The following ANKFN1 variants were observed in gnomAD, a reference collection of about 807,000 sequenced individuals.
ANKFN1 encodes ankyrin repeat and fibronectin type-III domain-containing protein 1.
ANKFN1 carries 74 observed loss-of-function variants against 108.7 expected under a neutral mutation model. That is an observed-to-expected ratio of 0.68 (90% CI 0.56 to 0.83). ANKFN1 has a LOEUF of 0.83. Ranked by LOEUF, ANKFN1 falls within the 40% of genes least tolerant of loss-of-function variation. ANKFN1 has a pLI of 0.00. For missense variants in ANKFN1, 1,505 were observed against 1,382.3 expected, an observed-to-expected ratio of 1.09 and a Z score of -1.41; for synonymous variants, 547 against 516.2, an observed-to-expected ratio of 1.06 and a Z score of -0.81.
intron 8 of ANKFN1, among the ~76,000 whole-genome samples, chr17:56,390,015 T>G (rs931692954): frequency 1.3e-5 from 2 of 152,054 alleles, no homozygotes; most frequent in African/African-American, 4.8e-5. Context: ...GAGAAGCATT[T>G]TCTTTTTTTT....
chr17:56,385,632 C>A (rs148589870), intron 8 of ANKFN1, among the ~76,000 whole-genome samples: 1 of 152,196 alleles, frequency 6.6e-6, no homozygotes, highest in Middle Eastern at 3.4e-3. Flanking sequence ...AAGAAAAAAA[C>A]GAACAACCCC....
rs8081131 is a variant in ANKFN1, at chr17:56,375,011, C to T, written c.910+297C>T. On this transcript the variant is annotated intron_variant, in intron 8 of 20. Transcript: ENST00000682825. Reference sequence around the variant, plus strand: ...TGCATAGCACAGGGCTGGGGACAGGCCTGAGTAGGAAACACTGAAGAATCA... The same window carrying T: ...TGCATAGCACAGGGCTGGGGACAGGTCTGAGTAGGAAACACTGAAGAATCA... Among the ~76,000 whole-genome samples, 113,868 of 152,010 alleles carry T rather than the reference C, an allele frequency of 0.75. 42,833 individuals are homozygous for T. Among genetic ancestry groups the T allele is most frequent in the East Asian group, 0.96 (4,966 of 5,168 alleles).
intron 1 of ANKFN1, among the ~76,000 whole-genome samples, chr17:56,179,329 T>A (rs1205653727): frequency 6.6e-6 from 1 of 152,186 alleles, no homozygotes; most frequent in African/African-American, 2.4e-5. Flanking sequence ...CTCTCCTGTG[T>A]TTTCTTAGCC....
chr17:56,407,800 G>C (rs1469045983), intron 8 of ANKFN1, among the ~76,000 whole-genome samples: 2 of 152,122 alleles, frequency 1.3e-5, no homozygotes, highest in Non-Finnish European at 2.9e-5. Flanking sequence ...AATGATCTTA[G>C]AGATAAGTTT....
At chr17:56,415,595 T>C (rs576155984) in intron 8 of ANKFN1, among the ~76,000 whole-genome samples, 1 of 152,172 alleles carries the variant, frequency 6.6e-6, no homozygotes, top group Non-Finnish European at 1.5e-5. Flanking sequence ...ATATCCCATG[T>C]TCATGGGTTG....
chr17:56,310,393 G>A (rs1029055661), intron 3 of ANKFN1, among the ~76,000 whole-genome samples: 1 of 152,064 alleles, frequency 6.6e-6, no homozygotes, highest in Admixed American at 6.6e-5. Context: ...CGAGGCGGGC[G>A]GATCACGAGG....
intron 5 of ANKFN1, among the ~76,000 whole-genome samples, chr17:56,352,830 T>C (rs1213546508): frequency 1.3e-5 from 2 of 152,082 alleles, no homozygotes; most frequent in African/African-American, 4.8e-5. Flanking sequence ...ATGTAACATG[T>C]ATATTTTAGG....
intron 4 of ANKFN1, among the ~76,000 whole-genome samples, chr17:56,119,517 CTT>C (rs35303620): frequency 6.6e-6 from 1 of 152,042 alleles, no homozygotes; most frequent in Admixed American, 6.6e-5. Context: ...TGTTATAACT[CTT>C]TTTAAAAGCT....
rs58714064 is a variant in ANKFN1 at position 56,229,661 on chromosome 17, C to CAAA, written c.53+1729_53+1731dup. 1.1e-3 allele frequency among the ~76,000 whole-genome samples: 45 copies of CAAA among 40,176 alleles called. 1 individual carries two copies. Among genetic ancestry groups the CAAA allele is most frequent in the Admixed American group, 2.3e-3 (7 of 3,062 alleles). 26.4% of individuals were successfully genotyped at this position (40,176 alleles called of 152,430 possible). ...AAAGCACCCGTTACCTTTCAGATTG[C>CAAA]AAAAAAAAAAAAAAAAAAAAAAAAA... On this transcript the variant is annotated intron_variant, in intron 3 of 20. Coordinates refer to ENST00000682825, the MANE Select transcript of ANKFN1 (RefSeq NM_001370326.1).
chr17:56,460,805 A>T (rs868196890), intron 14 of ANKFN1, among the ~76,000 whole-genome samples: 2 of 152,032 alleles, frequency 1.3e-5, no homozygotes, highest in African/African-American at 4.8e-5. Context: ...TTCCTCTCAT[A>T]GCCCCACATG....
intron 14 of ANKFN1, among the ~76,000 whole-genome samples, chr17:56,466,115 TA>T (rs1702502132): frequency 6.6e-6 from 1 of 152,192 alleles, no homozygotes; most frequent in African/African-American, 2.4e-5. Context: ...ACATAATTTT[TA>T]TGCATCTTGC....
intron 2 of ANKFN1, among the ~76,000 whole-genome samples, chr17:56,217,537 C>T (rs928760077): frequency 3.3e-5 from 5 of 152,056 alleles, no homozygotes; most frequent in African/African-American, 1.2e-4. Flanking sequence ...TCACAAATGG[C>T]GAAGAGGATA....
At chr17:56,421,607 G>A (rs1011959859) in intron 8 of ANKFN1, among the ~76,000 whole-genome samples, 16 of 152,234 alleles carry the variant, frequency 1.1e-4, no homozygotes, top group African/African-American at 2.4e-4. Context: ...GCATTAGTAC[G>A]CATACCCTGT....
At chr17:56,090,000 G>T (rs1905382574) in intron 4 of ANKFN1, among the ~76,000 whole-genome samples, 1 of 151,510 alleles carries the variant, frequency 6.6e-6, no homozygotes, top group Admixed American at 6.6e-5. Context: ...CATGCTTACT[G>T]TTGAAAGCGG....
At position 56,179,981 on chromosome 17, in the gene ANKFN1, G is replaced by A. The variant is rs143480733; in HGVS notation, c.-71+26451G>A. ...TGATGTCTAACCAGGGAAGGTGTTC[G>A]ATAAATACTTTTGTATGACTGAATA... On this transcript the variant is annotated intron_variant, in intron 1 of 20. Coordinates refer to ENST00000682825, the MANE Select transcript of ANKFN1 (RefSeq NM_001370326.1). 6.5e-4 allele frequency among the ~76,000 whole-genome samples: 99 copies of A among 152,242 alleles called. 1 individual carries two copies. The East Asian group carries it at 0.015, about 23-fold the overall frequency.
At chr17:56,096,813 G>A (rs1427717327) in intron 4 of ANKFN1, among the ~76,000 whole-genome samples, 1 of 152,188 alleles carries the variant, frequency 6.6e-6, no homozygotes, top group African/African-American at 2.4e-5. Flanking sequence ...ACATGCATAT[G>A]TGTGTTTATT....
intron 4 of ANKFN1, among the ~76,000 whole-genome samples, chr17:56,129,624 T>G (rs1907157354): frequency 2.0e-5 from 3 of 152,214 alleles, no homozygotes; most frequent in African/African-American, 7.2e-5. Flanking sequence ...AATTGTCACA[T>G]ATAGGGTGAT....
At chr17:56,249,889 C>T (rs1303990111) in intron 3 of ANKFN1, among the ~76,000 whole-genome samples, 1 of 152,194 alleles carries the variant, frequency 6.6e-6, no homozygotes, top group African/African-American at 2.4e-5. Context: ...GATGTAGTCA[C>T]TGGGGCAGTT....
At chr17:56,321,858 C>T (rs189742443) in intron 3 of ANKFN1, among the ~76,000 whole-genome samples, 30 of 152,282 alleles carry the variant, frequency 2.0e-4, no homozygotes, top group Admixed American at 1.9e-3. Flanking sequence ...TGAGGGGCAG[C>T]TCAAGGACTG....
Sources: gnomAD v4.1 joint callset for allele counts (sites outside exome capture counted in the v4.1 genomes callset) on GRCh38, gnomAD v4.1.1 for gene constraint, MANE v1.5 for transcripts, NCBI Gene and HGNC (gene_info 2026-07-23, HGNC 2026-07-21) for gene names.